Variants in PAAF1 observed in about 807,000 individuals in gnomAD.
PAAF1 encodes proteasomal ATPase-associated factor 1.
Under a neutral mutation model 52.8 loss-of-function variants are expected in PAAF1, and 46 were observed. The ratio of observed to expected loss-of-function variants is 0.87; its 90% confidence interval spans 0.69 to 1.11. The LOEUF is 1.11. Among genes scored for constraint, PAAF1 ranks in the 50% most tolerant of loss-of-function variants. The pLI, the probability that PAAF1 is intolerant of heterozygous loss-of-function variation, is 0.00. For missense variants in PAAF1, 424 were observed against 477.4 expected, an observed-to-expected ratio of 0.89 and a Z score of 1.04; for synonymous variants, 178 against 172.8, an observed-to-expected ratio of 1.03 and a Z score of -0.24.
chr11:73,900,917 G>A (rs1255132218), intron 6 of PAAF1, among the ~76,000 whole-genome samples: 2 of 140,966 alleles, frequency 1.4e-5, no homozygotes, highest in East Asian at 2.2e-4. Flanking sequence ...GGGAGGCGGA[G>A]CTTGCAGTGA....
chr11:73,924,466 G>T, intron 10 of PAAF1, 149 bp from the exon 11 acceptor site: 1 of 629,732 alleles, frequency 1.6e-6, no homozygotes, highest in Non-Finnish European at 2.7e-6. Flanking sequence ...AAAAAAAGTT[G>T]GCCCACGTAA....
At chr11:73,914,958 A>G (rs543258110) in intron 8 of PAAF1, among the ~76,000 whole-genome samples, 34 of 151,992 alleles carry the variant, frequency 2.2e-4, no homozygotes, top group African/African-American at 7.7e-4. Flanking sequence ...GCCTGCCTCA[A>G]TCTCCCAAAG....
At chr11:73,903,321 GTATA>G (rs954864809) in intron 6 of PAAF1, among the ~76,000 whole-genome samples, 1 of 152,170 alleles carries the variant, frequency 6.6e-6, no homozygotes, top group Non-Finnish European at 1.5e-5. Flanking sequence ...GCTTAACAGC[GTATA>G]TATAGATAGA....
upstream of PAAF1, chr11:73,876,977 T>G (rs905034600): frequency 2.0e-6 from 3 of 1,496,810 alleles, no homozygotes; most frequent in African/African-American, 1.4e-5. Context: ...GGGACTCACT[T>G]CCGGGAAGGG....
chr11:73,883,213 C>T (rs1948965305), intron 2 of PAAF1, among the ~76,000 whole-genome samples: 1 of 152,156 alleles, frequency 6.6e-6, no homozygotes, highest in Non-Finnish European at 1.5e-5. Flanking sequence ...CCTCCCTCAG[C>T]CTCCCAAGTA....
chr11:73,899,095 A>G (rs1382119386), intron 4 of PAAF1, 51 bp from the exon 5 acceptor site: 14 of 1,391,620 alleles, frequency 1.0e-5, no homozygotes, highest in Non-Finnish European at 1.1e-5. Flanking sequence ...TTTCAAGGGA[A>G]TAAGAGTATT....
chr11:73,909,733 C>G, intron 7 of PAAF1, 140 bp downstream of exon 7: 1 of 747,260 alleles, frequency 1.3e-6, no homozygotes, highest in African/African-American at 1.8e-5. Context: ...AATATTTACT[C>G]TGTACCTACT....
rs1172451164 is a variant in PAAF1 at position 73,927,419 on chromosome 11, G to A, written c.*57G>A. Reference sequence around the variant, plus strand: ...AAGGTTTGACCCTGATCAACAATGAGCAGAAACATCATCAGTCCTTCCCAA... The same window carrying A: ...AAGGTTTGACCCTGATCAACAATGAACAGAAACATCATCAGTCCTTCCCAA... On this transcript the variant is annotated 3_prime_UTR_variant, in exon 12 of 12. Transcript: ENST00000310571. 4 of 1,384,288 alleles carry A rather than the reference G, an allele frequency of 2.9e-6. No individual in the cohort carries two copies. The African/African-American group carries it at 5.7e-5, about 20-fold the overall frequency. 85.8% of individuals were successfully genotyped at this position (1,384,288 alleles called of 1,614,324 possible).
Position 73,908,435 on chromosome 11 carries a change from T to C in PAAF1, c.533-964T>C, listed in dbSNP as rs939163138. Among the ~76,000 whole-genome samples the C allele has an allele frequency of 9.3e-5, 14 of 150,286 alleles. No homozygotes were observed. In the East Asian group the frequency reaches 2.7e-3, roughly 29 times the overall value. ...TGTGTGTATATATATATATGGGTCTTGCTCCACTGCCCAGGCTGGAGTGCA... is the reference window on the plus strand; with the variant it reads ...TGTGTGTATATATATATATGGGTCTCGCTCCACTGCCCAGGCTGGAGTGCA... On this transcript the variant is annotated intron_variant, in intron 6 of 11. Transcript: ENST00000310571.
chr11:73,881,867 C>T (rs182436007), intron 2 of PAAF1, among the ~76,000 whole-genome samples: 3 of 151,298 alleles, frequency 2.0e-5, no homozygotes, highest in Non-Finnish European at 4.4e-5. Flanking sequence ...CTACCATGCA[C>T]GGCTAATTTT....
chr11:73,894,654 A>G (rs1161340472), intron 4 of PAAF1, among the ~76,000 whole-genome samples: 2 of 151,998 alleles, frequency 1.3e-5, no homozygotes, highest in Non-Finnish European at 2.9e-5. Flanking sequence ...TCTACTAAAA[A>G]AAATAAAAAT....
At chr11:73,920,423 CAGG>C (rs1314240391) in intron 10 of PAAF1, among the ~76,000 whole-genome samples, 1 of 151,754 alleles carries the variant, frequency 6.6e-6, no homozygotes, top group African/African-American at 2.4e-5. Flanking sequence ...CCCAGCTACT[CAGG>C]AGGCTGAGGT....
At chr11:73,891,823 C>G (rs1467327592) in intron 4 of PAAF1, among the ~76,000 whole-genome samples, 1 of 152,086 alleles carries the variant, frequency 6.6e-6, no homozygotes, top group Non-Finnish European at 1.5e-5. Context: ...AATGCTGCTG[C>G]TCATATTTTA....
In PAAF1 at chr11:73,921,744, G is replaced by A. The variant is rs569935427; in HGVS notation, c.1018+2712G>A. ...TGCAGCGTTTATCATTCTGAGGGTC[G>A]AAAACTTTCTCACAAAGTCTCAGCC... On this transcript the variant is annotated intron_variant, in intron 10 of 11. Coordinates refer to ENST00000310571, the MANE Select transcript of PAAF1 (RefSeq NM_025155.3). 171 of 1,162,378 alleles carry A rather than the reference G, an allele frequency of 1.5e-4. 3 individuals carry two copies. The highest frequency in any genetic ancestry group is 1.5e-3 in the South Asian group (120 of 82,480). 72.0% of individuals were successfully genotyped at this position (1,162,378 alleles called of 1,614,324 possible).
chr11:73,899,408 CTTTTTT>C (rs71065053), intron 5 of PAAF1, among the ~76,000 whole-genome samples, 164 bp downstream of exon 5: 21 of 101,198 alleles, frequency 2.1e-4, no homozygotes, highest in East Asian at 8.1e-4. Context: ...TTCTTTTTCT[CTTTTTT>C]TTTTTTTTTT....
chr11:73,876,742 G>C (rs527945936), upstream of PAAF1: 1 of 325,546 alleles, frequency 3.1e-6, no homozygotes, highest in East Asian at 4.7e-5. Context: ...GAAGAACGCG[G>C]TACGCGATGC....
chr11:73,909,617 ATTG>A, intron 7 of PAAF1, 24 bp downstream of exon 7: 1 of 1,606,730 alleles, frequency 6.2e-7, no homozygotes, highest in South Asian at 1.1e-5. Flanking sequence ...GATATGTAGC[ATTG>A]TTTTATTTTC....
intron 4 of PAAF1, among the ~76,000 whole-genome samples, chr11:73,897,589 C>CGGCCGGG (rs1054829081): frequency 6.6e-6 from 1 of 151,496 alleles, no homozygotes; most frequent in Non-Finnish European, 1.5e-5. Flanking sequence ...GATGTGATGG[C>CGGCCGGG]GGCCGGGAAG....
At chr11:73,889,174 C>G (rs1949137944) in intron 3 of PAAF1, 1 of 1,528,508 alleles carries the variant, frequency 6.5e-7, no homozygotes, top group South Asian at 1.2e-5. Flanking sequence ...ATACTCAGAC[C>G]TGGATACAGT....
Sources: gnomAD v4.1 joint callset for allele counts (sites outside exome capture counted in the v4.1 genomes callset) on GRCh38, gnomAD v4.1.1 for gene constraint, MANE v1.5 for transcripts, NCBI Gene and HGNC (gene_info 2026-07-23, HGNC 2026-07-21) for gene names.